Variants in WDFY4 observed in about 807,000 individuals in gnomAD.
WDFY4 encodes WDFY family member 4.
Under a neutral mutation model 351.9 loss-of-function variants are expected in WDFY4, and 169 were observed. The observed-to-expected ratio is 0.48, with a 90% CI of 0.42 to 0.55. The LOEUF (loss-of-function observed/expected upper bound fraction) is 0.55. WDFY4 is among the 20% of genes least tolerant of loss of function. The pLI is 0.00. For synonymous variants in WDFY4, 1,622 were observed against 1,574.6 expected, an observed-to-expected ratio of 1.03 and a Z score of -0.71; for missense variants, 3,803 against 3,935.6, an observed-to-expected ratio of 0.97 and a Z score of 0.90.
chr10:48,812,574 C>T (rs1258706024), intron 30 of WDFY4, among the ~76,000 whole-genome samples: 1 of 152,184 alleles, frequency 6.6e-6, no homozygotes, highest in African/African-American at 2.4e-5. Context: ...CTGCATCCCA[C>T]CTAAAACCAG....
In WDFY4 at chr10:48,787,950, T is replaced by TCTTCTTCTTCTTCTC. The variant is rs2066528060; in HGVS notation, c.3809-566_3809-565insCCTTCTTCTTCTTCT. Among the ~76,000 whole-genome samples, 8 of 100,692 alleles carry TCTTCTTCTTCTTCTC rather than the reference T, an allele frequency of 7.9e-5. No individual in the cohort carries two copies. In the South Asian group the frequency reaches 2.7e-3, roughly 34 times the overall value. 66.1% of individuals were successfully genotyped at this position (100,692 alleles called of 152,430 possible). On this transcript the variant is annotated intron_variant, in intron 20 of 61. Transcript: ENST00000325239. ...TTCTTCTTCTTCTTCTTCTTCTTCT[T>TCTTCTTCTTCTTCTC]CTTCTTCTTCTTCTTCTTCTTCTTC...
In WDFY4 at chr10:48,776,800, G is replaced by A. The variant is rs755899304; in HGVS notation, c.2914G>A (p.Asp972Asn). ...LAEGPWPAAP[D>N]AGLHPGVTQA... Reference sequence around the variant, plus strand: ...TGAGGGGCCCTGGCCAGCTGCCCCAGATGCTGGGCTGCACCCTGGAGTCAC... The same window carrying A: ...TGAGGGGCCCTGGCCAGCTGCCCCAAATGCTGGGCTGCACCCTGGAGTCAC... The change falls in exon 16 of 62, where the codon GAT becomes AAT. Residue 972 changes from aspartate (D) to asparagine (N), a missense_variant. Asp to Asn is a conservative substitution (Grantham distance 23). Transcript: ENST00000325239. 5 of 1,551,334 alleles carry A rather than the reference G, an allele frequency of 3.2e-6. No individual in the cohort carries two copies. The South Asian group carries it at 4.8e-5, about 15-fold the overall frequency.
At chr10:48,834,247 T>C (rs1227020382) in intron 39 of WDFY4, among the ~76,000 whole-genome samples, 1 of 152,110 alleles carries the variant, frequency 6.6e-6, no homozygotes. Context: ...ATAGCCTTGT[T>C]ATAAAAATGT....
Position 48,767,040 on chromosome 10 carries a change from C to T in WDFY4, c.2553+6600C>T, listed in dbSNP as rs56329118. Among the ~76,000 whole-genome samples, 656 of 152,328 alleles carry T rather than the reference C, an allele frequency of 4.3e-3. 3 individuals are homozygous for T. Among genetic ancestry groups the T allele is most frequent in the Non-Finnish European group, 4.2e-3 (285 of 68,040 alleles). On this transcript the variant is annotated intron_variant, in intron 13 of 61. Coordinates refer to ENST00000325239, the MANE Select transcript of WDFY4 (RefSeq NM_001394531.1). ...CAAATGAAACACTTCTCTAGGCCAT[C>T]AATTTATGACCCATATGAGATACTA...
At chr10:48,768,381 G>A (rs2065742131) in intron 13 of WDFY4, among the ~76,000 whole-genome samples, 2 of 151,910 alleles carry the variant, frequency 1.3e-5, no homozygotes, top group Admixed American at 6.5e-5. Context: ...CCGAGGGCCC[G>A]AATGTTGCAA....
At chr10:48,969,407 C>A (rs953529354) in intron 56 of WDFY4, among the ~76,000 whole-genome samples, 159 bp downstream of exon 56, 2 of 152,206 alleles carry the variant, frequency 1.3e-5, no homozygotes, top group East Asian at 3.9e-4. Context: ...AGTGACCATG[C>A]AAAGGCCCTC....
At chr10:48,757,941 T>C (rs1241108542) in intron 12 of WDFY4, among the ~76,000 whole-genome samples, 4 of 152,146 alleles carry the variant, frequency 2.6e-5, no homozygotes, top group Admixed American at 6.5e-5. Flanking sequence ...TCTAATACAA[T>C]GTCACTTTCA....
intron 51 of WDFY4, among the ~76,000 whole-genome samples, chr10:48,954,600 C>T (rs1841496757): frequency 6.6e-6 from 1 of 152,152 alleles, no homozygotes. Context: ...TTCTTTCCTC[C>T]TTCCTTCCTT....
chr10:48,796,415 A>G lies in WDFY4; in HGVS notation c.4375A>G (p.Thr1459Ala), dbSNP rs2066877321. 6.4e-7 allele frequency: 1 copy of G among 1,551,970 alleles called. No individual in the cohort carries two copies. The highest frequency in any genetic ancestry group is 8.7e-7 in the Non-Finnish European group (1 of 1,147,068). Residue 1459 changes from threonine (T) to alanine (A), a missense_variant, in exon 24 of 62, where the codon ACT (threonine) becomes GCT (alanine). Thr to Ala is a moderately conservative substitution (Grantham distance 58). Transcript: ENST00000325239. ...CTTCAGGTCATCTGCTATCACCAAC[A>G]CTGGTGTCTTCCAGCACATCCTCTG... ...LGFRSSAITNTGVFQHILCNF... is the reference protein window; with the variant it reads ...LGFRSSAITNAGVFQHILCNF...
chr10:48,887,639 C>T (rs1038075139), intron 43 of WDFY4, among the ~76,000 whole-genome samples: 8 of 151,878 alleles, frequency 5.3e-5, no homozygotes, highest in South Asian at 2.1e-4. Context: ...ATTAGCCGGG[C>T]GTGGTGGTGG....
In WDFY4 at chr10:48,721,350, C is replaced by T. The variant is rs1356016325; in HGVS notation, c.439C>T (p.Leu147Phe). 1 of 1,551,616 alleles carries T rather than the reference C, an allele frequency of 6.4e-7. No individual in the cohort carries two copies. The highest frequency in any genetic ancestry group is 1.2e-5 in the South Asian group (1 of 84,062). ...CTTGCTCCTGAAGTCAGTGTACGTG[C>T]TCACGGGGACAGACTCGGTAAGTTT... ...GYLLLKSVYV[L>F]TGTDSETLGR... Residue 147 changes from leucine to phenylalanine, a missense_variant, in exon 4 of 62, where the codon CTC becomes TTC. Around this residue, in one of 3 missense-constraint regions of WDFY4, gnomAD observed 488 missense variants for 456.8 expected, o/e 1.07. Coordinates refer to ENST00000325239, the MANE Select transcript of WDFY4 (RefSeq NM_001394531.1).
chr10:48,707,985 C>A (rs996419901), intron 1 of WDFY4, among the ~76,000 whole-genome samples: 2 of 152,122 alleles, frequency 1.3e-5, no homozygotes, highest in South Asian at 2.1e-4. Context: ...CAGTGCCCAA[C>A]AGAAGCAAAA....
chr10:48,974,554 G>A (rs574186764), intron 57 of WDFY4, among the ~76,000 whole-genome samples: 14 of 103,916 alleles, frequency 1.3e-4, no homozygotes, highest in East Asian at 6.4e-4. Context: ...AACTGCTCCC[G>A]GGTTCAAGAT....
At chr10:48,900,497 A>T (rs1275599484) in intron 46 of WDFY4, among the ~76,000 whole-genome samples, 191 bp downstream of exon 46, 1 of 152,232 alleles carries the variant, frequency 6.6e-6, no homozygotes, top group Non-Finnish European at 1.5e-5. Context: ...GAACAGGCAG[A>T]GAAGGCCCTT....
chr10:48,816,849 A>AT (rs2067635483), intron 31 of WDFY4, among the ~76,000 whole-genome samples: 2 of 152,218 alleles, frequency 1.3e-5, no homozygotes, highest in Admixed American at 1.3e-4. Context: ...TCTAACATGT[A>AT]TGTATATACA....
At chr10:48,795,489 C>CTGTGTATATATATATATATATA (rs1335932577) in intron 23 of WDFY4, among the ~76,000 whole-genome samples, 1 of 71,654 alleles carries the variant, frequency 1.4e-5, no homozygotes, top group African/African-American at 5.4e-5. Flanking sequence ...ATGTGTGTGT[C>CTGTGTATATATATATATATATA]TGTATATATA....
At chr10:48,854,281 G>A (rs573973822) in intron 39 of WDFY4, among the ~76,000 whole-genome samples, 1 of 152,032 alleles carries the variant, frequency 6.6e-6, no homozygotes, top group East Asian at 1.9e-4. Context: ...GCTAATTTTT[G>A]TATTTTTTGT....
chr10:48,685,566 A>G lies in WDFY4; in HGVS notation c.-18+565A>G, dbSNP rs1454716406. Among the ~76,000 whole-genome samples the G allele has an allele frequency of 3.9e-5, 6 of 152,286 alleles. No homozygotes were observed. The East Asian group carries it at 9.7e-4, about 25-fold the overall frequency. On this transcript the variant is annotated intron_variant, in intron 1 of 61. Coordinates refer to ENST00000325239, the MANE Select transcript of WDFY4 (RefSeq NM_001394531.1). ...GTGCCTCCCTGGGCTCACTTCCCTC[A>G]TCTGAATTATTACAGCAAACCATTG...
At chr10:48,844,949 T>A (rs534967472) in intron 39 of WDFY4, among the ~76,000 whole-genome samples, 1 of 152,162 alleles carries the variant, frequency 6.6e-6, no homozygotes, top group Non-Finnish European at 1.5e-5. Context: ...GTGATGGCTG[T>A]AGGTTGGAAG....
Sources: gnomAD v4.1 joint callset for allele counts (sites outside exome capture counted in the v4.1 genomes callset) on GRCh38, gnomAD v4.1.1 for gene constraint, gnomAD v4.1.1 regional missense constraint, MANE v1.5 for transcripts, NCBI Gene and HGNC (gene_info 2026-07-23, HGNC 2026-07-21) for gene names.